Variants in TICRR observed in about 807,000 individuals in gnomAD.
The protein encoded by TICRR is treslin.
A neutral mutation model predicts 178.1 loss-of-function variants in TICRR; 132 were observed. The ratio of observed to expected loss-of-function variants is 0.74; its 90% CI spans 0.64 to 0.86. TICRR has a LOEUF of 0.86. Among genes scored for constraint, TICRR ranks in the 40% least tolerant of loss-of-function variants. The pLI is 0.00. For missense variants in TICRR, 2,587 were observed against 2,334.3 expected, an observed-to-expected ratio of 1.11 and a Z score of -2.23; for synonymous variants, 991 against 900.7, an observed-to-expected ratio of 1.10 and a Z score of -1.79.
intron 1 of TICRR, chr15:89,582,109 A>C (rs1596038777): frequency 6.5e-6 from 1 of 152,714 alleles, no homozygotes; most frequent in East Asian, 1.9e-4. Context: ...AGATCACTTG[A>C]GGTCAGGAGT....
intron 13 of TICRR, among the ~76,000 whole-genome samples, chr15:89,603,224 G>C (rs1567046162): frequency 1.3e-5 from 2 of 152,136 alleles, no homozygotes; most frequent in African/African-American, 4.8e-5. Context: ...ATATACAATT[G>C]TAAGTGGACT....
Position 89,575,783 on chromosome 15 carries a change from G to C in TICRR, c.197G>C (p.Arg66Pro), listed in dbSNP as rs1962600427. ...RSRPSRVSDF[R>P]ELGSRSWEDF... Reference sequence around the variant, plus strand: ...CGGCCGTCCCGCGTGTCTGACTTCCGCGAGCTGGGGTCCCGCTCGTGGGAG... The same window carrying C: ...CGGCCGTCCCGCGTGTCTGACTTCCCCGAGCTGGGGTCCCGCTCGTGGGAG... The change falls in exon 1 of 22, where the codon CGC becomes CCC. Residue 66 changes from arginine (R) to proline (P), a missense_variant. Physicochemically the swap from Arg to Pro is moderately radical, Grantham distance 103. Transcript: ENST00000268138. The C allele has an allele frequency of 1.2e-6, 2 of 1,607,826 alleles. No individual in the cohort carries two copies. Among genetic ancestry groups the C allele is most frequent in the Admixed American group, 3.4e-5 (2 of 59,552 alleles).
chr15:89,619,132 C>T (rs1963381845), intron 17 of TICRR, among the ~76,000 whole-genome samples: 1 of 152,008 alleles, frequency 6.6e-6, no homozygotes, highest in Non-Finnish European at 1.5e-5. Flanking sequence ...TTAGCATATA[C>T]TCTTACTGCT....
In TICRR at chr15:89,624,863, C is replaced by T; in HGVS notation, c.4553C>T (p.Pro1518Leu). Reference sequence around the variant, plus strand: ...CCTCCTTCCTGTGGGCCTGGCTCTCCTCTGATGCCTTCCCGTGACGTGCAC... The same window carrying T: ...CCTCCTTCCTGTGGGCCTGGCTCTCTTCTGATGCCTTCCCGTGACGTGCAC... The part of the protein sequence containing the change: ...PSPPSCGPGS[P>L]LMPSRDVHCT... Residue 1518 changes from proline (P) to leucine (L), a missense_variant, in exon 20 of 22, where the codon CCT (proline) becomes CTT (leucine). Physicochemically the swap from Pro to Leu is moderately conservative, Grantham distance 98 (BLOSUM62 -3). Transcript: ENST00000268138. 1 of 1,613,776 alleles carries T rather than the reference C, an allele frequency of 6.2e-7. No individual in the cohort carries two copies. Among genetic ancestry groups the T allele is most frequent in the Non-Finnish European group, 8.5e-7 (1 of 1,179,908 alleles).
chr15:89,594,172 AG>A, intron 5 of TICRR, among the ~76,000 whole-genome samples: 1 of 152,342 alleles, frequency 6.6e-6, no homozygotes, highest in Non-Finnish European at 1.5e-5. Flanking sequence ...TATTAATAAA[AG>A]TCAATATTAT....
chr15:89,580,459 G>A (rs555515380), intron 1 of TICRR, among the ~76,000 whole-genome samples: 5 of 152,268 alleles, frequency 3.3e-5, no homozygotes, highest in East Asian at 1.9e-4. Context: ...GATCTATGGC[G>A]TCTGAACTAG....
At position 89,599,227 on chromosome 15, in the gene TICRR, C is replaced by T. The variant is rs557419482; in HGVS notation, c.1901-97C>T. On this transcript the variant is annotated intron_variant, in intron 7 of 21. Coordinates refer to ENST00000268138, the MANE Select transcript of TICRR (RefSeq NM_152259.4). Reference sequence around the variant, plus strand: ...TCCAGACAAGGCCAAATGTTCCCTGCAAGGAAATATTTTCCCCAGTGGACA... The same window carrying T: ...TCCAGACAAGGCCAAATGTTCCCTGTAAGGAAATATTTTCCCCAGTGGACA... The T allele has an allele frequency of 6.3e-5, 64 of 1,022,556 alleles. 1 individual carries two copies. In the South Asian group the frequency reaches 1.1e-3, roughly 18 times the overall value. 63.3% of individuals were successfully genotyped at this position (1,022,556 alleles called of 1,614,324 possible). A position where few individuals can be genotyped will look rare whatever the true frequency, so the allele number is the denominator to read the frequency against.
In TICRR at chr15:89,595,528, A is replaced by G; in HGVS notation, c.1817A>G (p.Lys606Arg). 6.2e-7 allele frequency: 1 copy of G among 1,614,230 alleles called. No homozygotes were observed. The highest frequency in any genetic ancestry group is 8.5e-7 in the Non-Finnish European group (1 of 1,180,048). ...GGCAGTCCGGATGTGGCTGGGGAGA[A>G]AGGAATCCAAAAGATACCTAGTGGG... ...PDGSPDVAGE[K>R]GIQKIPSGRT... The change falls in exon 7 of 22, where the codon AAA (lysine) becomes AGA (arginine). Residue 606 changes from lysine to arginine, a missense_variant. Physicochemically the swap from Lys to Arg is conservative, Grantham distance 26. Coordinates refer to ENST00000268138, the MANE Select transcript of TICRR (RefSeq NM_152259.4).
At chr15:89,619,887 G>C in intron 18 of TICRR, 45 bp downstream of exon 18, 3 of 1,552,800 alleles carry the variant, frequency 1.9e-6, no homozygotes, top group Non-Finnish European at 2.6e-6. Context: ...TGCTGACTTG[G>C]TGAGAAGTGT....
chr15:89,592,534 T>G (rs374242142), intron 5 of TICRR, among the ~76,000 whole-genome samples: 1 of 152,134 alleles, frequency 6.6e-6, no homozygotes, highest in East Asian at 1.9e-4. Flanking sequence ...TAAAGAAGTA[T>G]TTGCAGACCG....
At chr15:89,621,654 A>G (rs2141981754) in intron 19 of TICRR, 104 bp downstream of exon 19, 2 of 911,686 alleles carry the variant, frequency 2.2e-6, no homozygotes, top group African/African-American at 3.4e-5. Context: ...GGTGACCTCT[A>G]GATAATACTA....
chr15:89,595,982 A>G (rs1962992100), intron 7 of TICRR, among the ~76,000 whole-genome samples: 1 of 152,176 alleles, frequency 6.6e-6, no homozygotes, highest in Non-Finnish European at 1.5e-5. Flanking sequence ...AATGGGACAG[A>G]ACACCTTTAG....
intron 12 of TICRR, 135 bp downstream of exon 12, chr15:89,602,111 A>T (rs1048977879): frequency 6.8e-6 from 7 of 1,031,470 alleles, no homozygotes; most frequent in Non-Finnish European, 9.7e-6. Context: ...TGAATCAGAG[A>T]AGCCAACTAT....
Position 89,627,153 on chromosome 15 carries a change from G to T in TICRR, c.*67G>T. The T allele has an allele frequency of 1.3e-6, 2 of 1,593,974 alleles. No homozygotes were observed. The highest frequency in any genetic ancestry group is 1.3e-5 in the African/African-American group (1 of 74,308). On this transcript the variant is annotated 3_prime_UTR_variant, in exon 22 of 22. Transcript: ENST00000268138. ...GGACCCTGTGGACATAAAGAAGTTG[G>T]ATGCCTGGTCCCAAGCCTCTTTTGC...
chr15:89,627,029 C>T lies in TICRR; in HGVS notation c.5676C>T (p.Pro1892=). 3.1e-6 allele frequency: 5 copies of T among 1,614,120 alleles called. No individual in the cohort carries two copies. The highest frequency in any genetic ancestry group is 4.2e-6 in the Non-Finnish European group (5 of 1,180,032). ...PFSRAFSRRR[P]ISRTYTRKKL... is the part of the protein sequence containing the mutation. ...GTCGCGCTTTCTCCAGGAGGCGCCCCATCAGCAGAACTTATACACGGAAGA... is the reference window on the plus strand; with the variant it reads ...GTCGCGCTTTCTCCAGGAGGCGCCCTATCAGCAGAACTTATACACGGAAGA... Residue 1892 remains proline, a synonymous_variant, in exon 22 of 22, where the codon CCC becomes CCT. Coordinates refer to ENST00000268138, the MANE Select transcript of TICRR (RefSeq NM_152259.4).
intron 7 of TICRR, 73 bp from the exon 8 acceptor site, chr15:89,599,251 C>A (rs542987535): frequency 1.6e-6 from 2 of 1,237,898 alleles, no homozygotes; most frequent in African/African-American, 1.6e-5. Context: ...CCCCAGTGGA[C>A]AACAACTGGC....
chr15:89,595,400 C>T lies in TICRR; in HGVS notation c.1689C>T (p.Val563=), dbSNP rs1455852783. The T allele has an allele frequency of 6.2e-7, 1 of 1,613,380 alleles. No individual in the cohort carries two copies. The highest frequency in any genetic ancestry group is 1.3e-5 in the African/African-American group (1 of 74,894). The change falls in exon 7 of 22, where the codon GTC becomes GTT. Residue 563 remains valine (V), a synonymous_variant. Coordinates refer to ENST00000268138, the MANE Select transcript of TICRR (RefSeq NM_152259.4). ...HQEDSKKKRG[V]PRTPVRQKMN... ...CTGATGTTGTTTTGGTAGGAGGGGT[C>T]CCTCGTACTCCAGTGAGACAGAAGA...
chr15:89,588,053 G>A (rs73484644), intron 4 of TICRR, among the ~76,000 whole-genome samples: 5,049 of 152,214 alleles, frequency 0.033, 304 homozygotes, highest in African/African-American at 0.12. Flanking sequence ...GTGACAACTG[G>A]GGGAAGGCAA....
intron 13 of TICRR, 90 bp from the exon 14 acceptor site, chr15:89,606,678 C>T (rs753992218): frequency 2.3e-5 from 24 of 1,030,694 alleles, no homozygotes; most frequent in Non-Finnish European, 3.6e-5. Flanking sequence ...AAATGAATTA[C>T]AAGAGTCAAA....
Sources: gnomAD v4.1 joint callset for allele counts (sites outside exome capture counted in the v4.1 genomes callset) on GRCh38, gnomAD v4.1.1 for gene constraint, MANE v1.5 for transcripts, NCBI Gene and HGNC (gene_info 2026-07-23, HGNC 2026-07-21) for gene names.